The following FAM3B variants were observed in gnomAD, a reference collection of about 807,000 sequenced individuals.
The protein encoded by FAM3B is protein FAM3B.
FAM3B carries 29 observed loss-of-function variants against 28.4 expected under a neutral mutation model. The observed-to-expected ratio is 1.02, with a 90% confidence interval of 0.76 to 1.39. FAM3B has a LOEUF of 1.39. Ranked by LOEUF, FAM3B falls within the 40% of genes most tolerant of loss-of-function variation. The pLI is 0.00. For missense variants in FAM3B, 266 were observed against 293.9 expected (o/e 0.91, Z 0.69); for synonymous variants, 91 against 103.0 (o/e 0.88, Z 0.71).
chr21:41,325,309 T>C (rs1403917205), intron 2 of FAM3B, among the ~76,000 whole-genome samples: 1 of 152,220 alleles, frequency 6.6e-6, no homozygotes, highest in Non-Finnish European at 1.5e-5. Context: ...TTTTGCGGAC[T>C]GGACTTTTAA....
chr21:41,351,378 C>T (rs1298000583), intron 7 of FAM3B, among the ~76,000 whole-genome samples: 2 of 152,106 alleles, frequency 1.3e-5, no homozygotes, highest in African/African-American at 2.4e-5. Flanking sequence ...AAAAGTTATC[C>T]AAGTTACTAC....
At chr21:41,315,819 G>A (rs752188434), upstream of FAM3B, among the ~76,000 whole-genome samples, 9 of 152,104 alleles carry the variant, frequency 5.9e-5, no homozygotes, top group Non-Finnish European at 1.2e-4. Context: ...GGAGACTCAG[G>A]GCCAAGCCCA....
chr21:41,313,051 C>T (rs2088724937), upstream of FAM3B, among the ~76,000 whole-genome samples: 1 of 152,200 alleles, frequency 6.6e-6, no homozygotes. Flanking sequence ...GAAGTACGCT[C>T]AGCTAATCAG....
chr21:41,308,750 G>A (rs528367529), intron 1 of FAM3B, among the ~76,000 whole-genome samples: 1 of 152,190 alleles, frequency 6.6e-6, no homozygotes, highest in South Asian at 2.1e-4. Context: ...TGCTGGTCAG[G>A]CTAGTCTCGA....
chr21:41,340,924 T>A (rs992248062), intron 3 of FAM3B, among the ~76,000 whole-genome samples: 1 of 151,998 alleles, frequency 6.6e-6, no homozygotes, highest in Admixed American at 6.6e-5. Flanking sequence ...TATATATATA[T>A]AAAATTAATA....
chr21:41,315,714 G>A (rs1041244431), upstream of FAM3B, among the ~76,000 whole-genome samples: 3 of 152,148 alleles, frequency 2.0e-5, no homozygotes, highest in Non-Finnish European at 4.4e-5. Context: ...CTGGTTTGGG[G>A]AGACTGCAGG....
At chr21:41,344,614 C>A in intron 4 of FAM3B, 80 bp downstream of exon 4, 1 of 1,128,884 alleles carries the variant, frequency 8.9e-7, no homozygotes, top group Non-Finnish European at 1.3e-6. Context: ...GTTTTCGAGA[C>A]TTTTGCGCGT....
intron 1 of FAM3B, among the ~76,000 whole-genome samples, chr21:41,308,930 T>G (rs1207871115): frequency 3.9e-5 from 6 of 152,146 alleles, no homozygotes; most frequent in Admixed American, 3.9e-4. Context: ...AGCAGAAGCA[T>G]GTGGATCTTC....
chr21:41,311,236 CAAA>C (rs71848321), intron 1 of FAM3B, among the ~76,000 whole-genome samples: 128 of 23,494 alleles, frequency 5.4e-3, no homozygotes, highest in Non-Finnish European at 6.9e-3. Context: ...CCTGTCTCTA[CAAA>C]AAAAAAAAAA....
intron 7 of FAM3B, among the ~76,000 whole-genome samples, chr21:41,356,161 A>G (rs984129625): frequency 2.0e-5 from 3 of 151,982 alleles, no homozygotes; most frequent in Non-Finnish European, 4.4e-5. Flanking sequence ...CTAAATTTAC[A>G]TTTTATACTT....
chr21:41,316,737 GC>G, upstream of FAM3B: 1 of 707,790 alleles, frequency 1.4e-6, no homozygotes, highest in South Asian at 3.6e-5. Flanking sequence ...CCTGCCATTT[GC>G]CCGACTGGCC....
upstream of FAM3B, among the ~76,000 whole-genome samples, chr21:41,312,968 G>A (rs990622124): frequency 3.9e-5 from 6 of 152,186 alleles, no homozygotes; most frequent in African/African-American, 1.4e-4. Context: ...AGCGAGTGGG[G>A]AAGTGCAGAC....
intron 3 of FAM3B, among the ~76,000 whole-genome samples, chr21:41,339,842 AT>A (rs2088988345): frequency 6.6e-6 from 1 of 152,002 alleles, no homozygotes; most frequent in African/African-American, 2.4e-5. Context: ...GAAAGAGTGG[AT>A]TTATTTATTA....
At chr21:41,319,976 AGAG>A (rs1341295972) in intron 1 of FAM3B, 3 of 152,114 alleles carry the variant, frequency 2.0e-5, no homozygotes, top group African/African-American at 7.2e-5. Flanking sequence ...CCTTATAAGA[AGAG>A]GAGATGAGGA....
chr21:41,309,873 G>A (rs1024378740), intron 1 of FAM3B, among the ~76,000 whole-genome samples: 1 of 152,208 alleles, frequency 6.6e-6, no homozygotes, highest in Non-Finnish European at 1.5e-5. Context: ...TTGTTTCCCA[G>A]AACAAAAGGG....
At chr21:41,340,473 A>G (rs1204045663) in intron 3 of FAM3B, among the ~76,000 whole-genome samples, 2 of 152,112 alleles carry the variant, frequency 1.3e-5, no homozygotes, top group African/African-American at 2.4e-5. Flanking sequence ...TTTATAAGGA[A>G]CCCATTCACT....
intron 2 of FAM3B, among the ~76,000 whole-genome samples, chr21:41,336,626 T>C (rs369219427): frequency 3.9e-5 from 6 of 152,228 alleles, no homozygotes; most frequent in East Asian, 3.8e-4. Flanking sequence ...AAATTTAATT[T>C]TTAAAAAATT....
chr21:41,314,526 T>A (rs189016027), upstream of FAM3B, among the ~76,000 whole-genome samples: 66 of 152,304 alleles, frequency 4.3e-4, no homozygotes, highest in Non-Finnish European at 8.7e-4. Flanking sequence ...TTAAAAACAG[T>A]AGTTCTTGCT....
chr21:41,316,037 CCTGAGGCCA>C (rs923376430), upstream of FAM3B, among the ~76,000 whole-genome samples: 6 of 152,168 alleles, frequency 3.9e-5, no homozygotes, highest in African/African-American at 1.4e-4. Flanking sequence ...GCCCTTGTTA[CCTGAGGCCA>C]CTGTGACTAT....
Sources: allele counts gnomAD v4.1 joint callset (sites outside exome capture counted in the v4.1 genomes callset), GRCh38; gene constraint gnomAD v4.1.1; transcripts MANE v1.5; gene names NCBI Gene and HGNC (gene_info 2026-07-23, HGNC 2026-07-21).